ATRX: variants seen among roughly 807,000 people sequenced by gnomAD.
ATRX encodes the protein ATRX chromatin remodeler, also known as chromatin remodeler ATRX.
ATRX carries 12 observed loss-of-function variants against 172.6 expected under a neutral mutation model. The observed-to-expected ratio is 0.07, with a 90% CI of 0.04 to 0.11. The LOEUF (loss-of-function observed/expected upper bound fraction) is 0.11. Among genes scored for constraint, ATRX ranks in the 10% least tolerant of loss-of-function variants. The pLI, the probability that ATRX is intolerant of heterozygous loss-of-function variation, is 1.00. For missense variants in ATRX, 1,368 were observed against 1,767.4 expected (o/e 0.77, Z 4.05); for synonymous variants, 674 against 594.7 (o/e 1.13, Z -1.94).
intron 12 of ATRX, among the ~76,000 whole-genome samples, chrX:77,657,789 G>A (rs1191234886): frequency 1.8e-5 from 2 of 111,847 alleles, no homozygotes; most frequent in East Asian, 2.8e-4. Context: ...TATATGCATG[G>A]TCACAAAGTA....
At chrX:77,676,098 G>A (rs1158056044) in intron 10 of ATRX, 128 bp downstream of exon 10, 2 of 573,224 alleles carry the variant, frequency 3.5e-6, no homozygotes, top group African/African-American at 2.3e-5. Flanking sequence ...CAGGAAGACT[G>A]TGAGCGAGTC....
chrX:77,717,070 T>C, intron 2 of ATRX, 61 bp downstream of exon 2: 2 of 958,740 alleles, frequency 2.1e-6, no homozygotes, highest in Non-Finnish European at 1.5e-6. Context: ...GTTACCTCCA[T>C]AAGTGTAAAA....
Position 77,505,931 on chromosome X carries a change from AG to A in ATRX, c.*2419del, listed in dbSNP as rs2062698156. ...GATACTCAATACAGAACTGAAAAGC[AG>A]TCTAACAGAAACAAAGGCAAGTCTT... On this transcript the variant is annotated 3_prime_UTR_variant, in exon 35 of 35. Coordinates refer to ENST00000373344, the MANE Select transcript of ATRX (RefSeq NM_000489.6). 5.9e-6 allele frequency: 1 copy of A among 168,722 alleles called. No homozygotes were observed. Among genetic ancestry groups the A allele is most frequent in the South Asian group, 3.1e-4 (1 of 3,190 alleles). The allele number at this position is 168,722 out of a possible 1,213,427, so 13.9% of individuals were successfully genotyped here.
intron 30 of ATRX, among the ~76,000 whole-genome samples, chrX:77,552,330 G>T (rs782523460): frequency 9.2e-6 from 1 of 109,066 alleles, no homozygotes; most frequent in Admixed American, 9.8e-5. Context: ...GATGAAGCTG[G>T]AAACCATCAT....
chrX:77,738,558 CTTTTTTTTTT>C (rs781834798), intron 1 of ATRX, among the ~76,000 whole-genome samples: 11 of 73,529 alleles, frequency 1.5e-4, no homozygotes, highest in African/African-American at 5.7e-4. Context: ...TCTTTTGTGT[CTTTTTTTTTT>C]TTTTTTTTTT....
intron 30 of ATRX, among the ~76,000 whole-genome samples, chrX:77,524,847 G>A (rs1007161354): frequency 9.3e-6 from 1 of 108,027 alleles, no homozygotes; most frequent in African/African-American, 3.4e-5. Flanking sequence ...CTGGGCTCAA[G>A]TGATTCTCCT....
chrX:77,593,864 T>C lies in ATRX; in HGVS notation c.5957-15A>G, dbSNP rs377709625. On this transcript the variant is annotated splice_polypyrimidine_tract_variant and intron_variant, in intron 25 of 34. Coordinates refer to ENST00000373344, the MANE Select transcript of ATRX (RefSeq NM_000489.6). Reference sequence around the variant, plus strand: ...AGTAGCTTTACCTAAATAAGACAAATGGAACATAAGTAGGTAAATTAGAAA... The same window carrying C: ...AGTAGCTTTACCTAAATAAGACAAACGGAACATAAGTAGGTAAATTAGAAA... 2.1e-5 allele frequency: 25 copies of C among 1,193,419 alleles called. 1 individual carries two copies. Among genetic ancestry groups the C allele is most frequent in the Non-Finnish European group, 2.5e-5 (22 of 882,708 alleles).
Position 77,696,704 on chromosome X carries a change from C to T in ATRX, c.243G>A (p.Arg81=). 10 of 1,192,687 alleles carry T rather than the reference C, an allele frequency of 8.4e-6. No individual in the cohort carries two copies. The highest frequency in any genetic ancestry group is 1.1e-5 in the Non-Finnish European group (10 of 879,600). The change falls in exon 5 of 35, where the codon AGG becomes AGA. Residue 81 remains arginine, a splice_region_variant and synonymous_variant. Transcript: ENST00000373344. ...CATACTTTGTTACAATTGAAGGTTT[C>T]CTATGAAAGAATTAAGTTCATAGAA... ...SKSSGSSRSK[R]KPSIVTKYVE...
chrX:77,728,492 G>A (rs1557174316), intron 1 of ATRX, among the ~76,000 whole-genome samples: 1 of 111,502 alleles, frequency 9.0e-6, no homozygotes, highest in East Asian at 2.8e-4. Flanking sequence ...TACACAAAAT[G>A]CATGAAGAAA....
At chrX:77,705,615 T>C (rs1557156589) in intron 2 of ATRX, among the ~76,000 whole-genome samples, 1 of 112,362 alleles carries the variant, frequency 8.9e-6, no homozygotes, top group Non-Finnish European at 1.9e-5. Context: ...GGCTCAGACC[T>C]ATAATCCCAG....
intron 1 of ATRX, among the ~76,000 whole-genome samples, chrX:77,736,944 T>C (rs1465180384): frequency 9.0e-6 from 1 of 111,731 alleles, no homozygotes; most frequent in African/African-American, 3.2e-5. Flanking sequence ...TAGAGGTTAT[T>C]ATGCTAAGTG....
intron 22 of ATRX, 177 bp downstream of exon 22, chrX:77,616,436 T>G: frequency 8.8e-7 from 1 of 1,130,424 alleles, no homozygotes; most frequent in Non-Finnish European, 1.2e-6. Context: ...TTCTTGATTT[T>G]AATTTTGACA....
chrX:77,579,614 C>T (rs2065757649), intron 27 of ATRX, among the ~76,000 whole-genome samples: 1 of 112,093 alleles, frequency 8.9e-6, no homozygotes, highest in Non-Finnish European at 1.9e-5. Context: ...CTAATGTGGA[C>T]ACAGCTTCAG....
chrX:77,634,409 C>CTGAA (rs2068253647), intron 17 of ATRX, 185 bp downstream of exon 17: 4 of 412,860 alleles, frequency 9.7e-6, no homozygotes, highest in Non-Finnish European at 1.3e-5. Context: ...TCTGAAAGTA[C>CTGAA]ATATTTCTTA....
At chrX:77,726,676 C>G (rs1971471453) in intron 1 of ATRX, among the ~76,000 whole-genome samples, 1 of 111,651 alleles carries the variant, frequency 9.0e-6, no homozygotes, top group Non-Finnish European at 1.9e-5. Context: ...CTCACATTCA[C>G]ATAACTACAA....
rs1462331661 is a variant in ATRX at position 77,508,214 on chromosome X, AGT to A, written c.*135_*136del. The A allele has an allele frequency of 5.2e-6, 4 of 775,120 alleles. No individual in the cohort carries two copies. Among genetic ancestry groups the A allele is most frequent in the Non-Finnish European group, 7.3e-6 (4 of 548,624 alleles). The allele number at this position is 775,120 out of a possible 1,213,427, so 63.9% of individuals were successfully genotyped here. A position where few individuals can be genotyped will look rare whatever the true frequency, so the allele number is the denominator to read the frequency against. ...GTATGCCCTATTTAAAAAAAAAAAA[AGT>A]AAAACTAATATGGAAGATTGGCATT... On this transcript the variant is annotated 3_prime_UTR_variant, in exon 35 of 35. Transcript: ENST00000373344.
Position 77,619,002 on chromosome X carries a change from C to A in ATRX, c.5273-21G>T, listed in dbSNP as rs782151776. On this transcript the variant is annotated intron_variant, in intron 20 of 34. Coordinates refer to ENST00000373344, the MANE Select transcript of ATRX (RefSeq NM_000489.6). ...ATGATCTAAGAGAGAAGACATTATT[C>A]ATTAACAACATTAACAATCGTTAAA... is the stretch of plus-strand genomic sequence containing the variant. The A allele has an allele frequency of 7.7e-6, 8 of 1,037,740 alleles. No individual in the cohort carries two copies. In the South Asian group the frequency reaches 1.6e-4, roughly 21 times the overall value. 85.5% of individuals were successfully genotyped at this position (1,037,740 alleles called of 1,213,427 possible). A position where few individuals can be genotyped will look rare whatever the true frequency, so the allele number is the denominator to read the frequency against.
At chrX:77,670,451 G>C (rs1341069038) in intron 10 of ATRX, among the ~76,000 whole-genome samples, 1 of 112,038 alleles carries the variant, frequency 8.9e-6, no homozygotes, top group African/African-American at 3.2e-5. Flanking sequence ...TTAAAGGATA[G>C]GAATTAAAAA....
At chrX:77,639,415 G>A (rs45524644) in intron 15 of ATRX, among the ~76,000 whole-genome samples, 71 of 111,830 alleles carry the variant, frequency 6.3e-4, no homozygotes, top group African/African-American at 2.2e-3. Flanking sequence ...AGTTGGAAAA[G>A]GATACAAAGT....
Sources: gnomAD v4.1 joint callset for allele counts (sites outside exome capture counted in the v4.1 genomes callset) on GRCh38, gnomAD v4.1.1 for gene constraint, MANE v1.5 for transcripts, NCBI Gene and HGNC (gene_info 2026-07-23, HGNC 2026-07-21) for gene names.